The following NMT2 variants were observed in gnomAD, a reference collection of about 807,000 sequenced individuals.
NMT2 encodes the protein glycylpeptide N-tetradecanoyltransferase 2.
In NMT2, 35 loss-of-function variants were observed where a neutral mutation model predicts 65.4. The ratio of observed to expected loss-of-function variants is 0.54; its 90% CI spans 0.41 to 0.71. NMT2 has a LOEUF of 0.71. NMT2 is among the 30% of genes least tolerant of loss of function. The pLI is 0.00. For synonymous variants in NMT2, 226 were observed against 231.8 expected (o/e 0.98, Z 0.23); for missense variants, 489 against 611.3 (o/e 0.80, Z 2.11).
chr10:15,123,409 G>T (rs1310132180), intron 8 of NMT2, among the ~76,000 whole-genome samples: 3 of 151,684 alleles, frequency 2.0e-5, no homozygotes, highest in African/African-American at 7.3e-5. Context: ...CGTGGCTGTA[G>T]TCCCAGCTAC....
intron 1 of NMT2, among the ~76,000 whole-genome samples, chr10:15,164,865 C>CTACTAAAAATA (rs71390016): frequency 0.087 from 13,188 of 151,936 alleles, 1,006 homozygotes; most frequent in African/African-American, 0.2. Flanking sequence ...AACCCCATCT[C>CTACTAAAAATA]TACTAAAAAT....
At chr10:15,150,476 C>T (rs778039423) in intron 1 of NMT2, among the ~76,000 whole-genome samples, 3 of 152,166 alleles carry the variant, frequency 2.0e-5, no homozygotes, top group Admixed American at 1.3e-4. Flanking sequence ...GGCTGCACTA[C>T]GGCCTCATCT....
intron 2 of NMT2, among the ~76,000 whole-genome samples, chr10:15,140,401 G>A (rs1846705967): frequency 6.6e-6 from 1 of 152,194 alleles, no homozygotes; most frequent in Non-Finnish European, 1.5e-5. Context: ...TGGGACTACA[G>A]GCATGAGCCA....
chr10:15,136,812 G>GT (rs1846526705), intron 2 of NMT2, among the ~76,000 whole-genome samples: 1 of 148,182 alleles, frequency 6.7e-6, no homozygotes, highest in Admixed American at 6.7e-5. Flanking sequence ...GCCAGCTCTT[G>GT]GAGATTCCCC....
rs1845356429 is a variant in NMT2 at position 15,107,788 on chromosome 10, C to T, written c.*1407G>A. On this transcript the variant is annotated 3_prime_UTR_variant, in exon 12 of 12. Coordinates refer to ENST00000378165, the MANE Select transcript of NMT2 (RefSeq NM_004808.3). ...TACTTTGTGGTATCTGAGTTGAGGC[C>T]AGGCTACGTGGCCTCGGTTAGCATC... 5.1e-6 allele frequency: 5 copies of T among 985,596 alleles called. No homozygotes were observed. In the African/African-American group the frequency reaches 7.0e-5, roughly 14 times the overall value. The allele number at this position is 985,596 out of a possible 1,614,324, so 61.1% of individuals were successfully genotyped here.
intron 2 of NMT2, chr10:15,139,671 T>C (rs1418806280): frequency 6.6e-6 from 1 of 151,652 alleles, no homozygotes; most frequent in African/African-American, 2.4e-5. Flanking sequence ...GAAGATTCCA[T>C]TTTCTTCTCA....
At chr10:15,150,649 C>T (rs1207006851) in intron 1 of NMT2, among the ~76,000 whole-genome samples, 2 of 152,068 alleles carry the variant, frequency 1.3e-5, no homozygotes, top group African/African-American at 4.8e-5. Flanking sequence ...AGCTCAGAGC[C>T]GTCCCAAAAG....
intron 1 of NMT2, among the ~76,000 whole-genome samples, chr10:15,162,089 CAAAAATACA>C (rs1019638259): frequency 1.3e-5 from 2 of 151,616 alleles, no homozygotes; most frequent in Non-Finnish European, 2.9e-5. Context: ...CCTGTCTCTA[CAAAAATACA>C]AAAATTAGCC....
At chr10:15,168,317 C>G (rs1345053731) in intron 1 of NMT2, 186 bp downstream of exon 1, 1 of 524,270 alleles carries the variant, frequency 1.9e-6, no homozygotes, top group Non-Finnish European at 3.3e-6. Flanking sequence ...CTCGCCTCCC[C>G]GCGCACTGCA....
At chr10:15,144,228 A>G (rs1166862314) in intron 1 of NMT2, among the ~76,000 whole-genome samples, 1 of 152,180 alleles carries the variant, frequency 6.6e-6, no homozygotes, top group Non-Finnish European at 1.5e-5. Context: ...ACAGGGAGCT[A>G]CAGAAATGGG....
At chr10:15,156,585 T>C (rs7915262) in intron 1 of NMT2, among the ~76,000 whole-genome samples, 17,792 of 152,186 alleles carry the variant, frequency 0.12, 1,081 homozygotes, top group Middle Eastern at 0.23. Context: ...TAGTGATTCA[T>C]TCGAATGTTC....
At chr10:15,134,572 C>T (rs17156332) in intron 3 of NMT2, among the ~76,000 whole-genome samples, 6,498 of 152,292 alleles carry the variant, frequency 0.043, 438 homozygotes, top group African/African-American at 0.15. Flanking sequence ...CCACTGTTTC[C>T]AGGTGTGTGC....
intron 7 of NMT2, 102 bp downstream of exon 7, chr10:15,130,040 C>G (rs1185420582): frequency 2.3e-6 from 2 of 864,072 alleles, no homozygotes; most frequent in African/African-American, 3.5e-5. Context: ...AGGTTCTAGT[C>G]TCCATCTCTG....
chr10:15,124,056 C>T (rs1292333685), intron 8 of NMT2, among the ~76,000 whole-genome samples: 5 of 152,126 alleles, frequency 3.3e-5, no homozygotes, highest in African/African-American at 1.2e-4. Flanking sequence ...TATAGAACAC[C>T]TTATATGCCT....
intron 1 of NMT2, 146 bp downstream of exon 1, chr10:15,168,357 C>T (rs1417335456): frequency 1.6e-6 from 1 of 626,620 alleles, no homozygotes; most frequent in Non-Finnish European, 2.7e-6. Context: ...CCCCGGACCT[C>T]ACCATGGGCT....
At chr10:15,165,429 T>C (rs1457938679) in intron 1 of NMT2, among the ~76,000 whole-genome samples, 1 of 152,216 alleles carries the variant, frequency 6.6e-6, no homozygotes, top group Non-Finnish European at 1.5e-5. Flanking sequence ...CTGGTTCTAA[T>C]TGCCAAACAT....
At chr10:15,141,930 C>G (rs974935691) in intron 1 of NMT2, among the ~76,000 whole-genome samples, 2 of 152,182 alleles carry the variant, frequency 1.3e-5, no homozygotes, top group Non-Finnish European at 2.9e-5. Flanking sequence ...ATCAAGATCT[C>G]TTGGGTACGA....
intron 1 of NMT2, among the ~76,000 whole-genome samples, chr10:15,144,229 C>T (rs1053791133): frequency 6.6e-6 from 1 of 152,124 alleles, no homozygotes; most frequent in Non-Finnish European, 1.5e-5. Flanking sequence ...CAGGGAGCTA[C>T]AGAAATGGGC....
intron 10 of NMT2, among the ~76,000 whole-genome samples, chr10:15,111,529 A>AG (rs1233447790): frequency 6.6e-6 from 1 of 151,464 alleles, no homozygotes; most frequent in Non-Finnish European, 1.5e-5. Flanking sequence ...AAAAAAAAAA[A>AG]AAGTATAAAA....
Sources: gnomAD v4.1 joint callset for allele counts (sites outside exome capture counted in the v4.1 genomes callset) on GRCh38, gnomAD v4.1.1 for gene constraint, MANE v1.5 for transcripts, NCBI Gene and HGNC (gene_info 2026-07-23, HGNC 2026-07-21) for gene names.